VAT1L: variants seen among roughly 807,000 people sequenced by gnomAD.
VAT1L encodes putative NADPH-dependent quinone oxidoreductase VAT1L.
Under a neutral mutation model 44.1 loss-of-function variants are expected in VAT1L, and 34 were observed. That is an observed-to-expected ratio of 0.77 (90% CI 0.59 to 1.03). VAT1L has a LOEUF of 1.03. VAT1L is among the 50% of genes least tolerant of loss of function. VAT1L has a pLI of 0.00. For synonymous variants in VAT1L, 253 were observed against 202.2 expected, an observed-to-expected ratio of 1.25 and a Z score of -2.13; for missense variants, 615 against 538.8, an observed-to-expected ratio of 1.14 and a Z score of -1.40.
intron 7 of VAT1L, among the ~76,000 whole-genome samples, chr16:77,900,837 C>A (rs1044353212): frequency 2.0e-5 from 3 of 152,060 alleles, no homozygotes; most frequent in Admixed American, 2.0e-4. Context: ...GACCACCACT[C>A]CCCCCGCAAC....
intron 7 of VAT1L, among the ~76,000 whole-genome samples, chr16:77,934,347 C>A (rs2017767550): frequency 6.6e-6 from 1 of 152,036 alleles, no homozygotes; most frequent in Admixed American, 6.6e-5. Context: ...TCCCTTGGAC[C>A]TGTCAATATA....
intron 4 of VAT1L, among the ~76,000 whole-genome samples, chr16:77,867,679 T>A (rs1422920271): frequency 6.6e-6 from 1 of 151,842 alleles, no homozygotes; most frequent in Admixed American, 6.6e-5. Context: ...GCCAACATGG[T>A]GAAACCCCGT....
At chr16:77,869,675 T>TA (rs1028800098) in intron 4 of VAT1L, among the ~76,000 whole-genome samples, 1 of 151,714 alleles carries the variant, frequency 6.6e-6, no homozygotes, top group Non-Finnish European at 1.5e-5. Context: ...TCTCAATGAT[T>TA]AAAAAAAACC....
intron 7 of VAT1L, among the ~76,000 whole-genome samples, chr16:77,928,739 G>A (rs1457864158): frequency 2.3e-5 from 3 of 128,850 alleles, no homozygotes; most frequent in Non-Finnish European, 3.2e-5. Flanking sequence ...AATTGATGGG[G>A]GTGTCAGGAG....
At chr16:77,937,325 C>T (rs1050798412) in intron 7 of VAT1L, among the ~76,000 whole-genome samples, 2 of 152,172 alleles carry the variant, frequency 1.3e-5, no homozygotes, top group African/African-American at 4.8e-5. Flanking sequence ...CCTTCAGGAT[C>T]CAGAGGTTAA....
chr16:77,858,467 T>A (rs746336335), intron 3 of VAT1L, among the ~76,000 whole-genome samples: 1 of 152,208 alleles, frequency 6.6e-6, no homozygotes, highest in African/African-American at 2.4e-5. Flanking sequence ...GGAGTAGTGA[T>A]AGCAAGTATG....
chr16:77,827,129 C>G (rs924777496), intron 3 of VAT1L, among the ~76,000 whole-genome samples: 1 of 152,100 alleles, frequency 6.6e-6, no homozygotes, highest in Non-Finnish European at 1.5e-5. Flanking sequence ...ACCTTTCGAC[C>G]ATGAATAAAG....
At chr16:77,913,289 T>C (rs2017517744) in intron 7 of VAT1L, among the ~76,000 whole-genome samples, 1 of 152,198 alleles carries the variant, frequency 6.6e-6, no homozygotes, top group Non-Finnish European at 1.5e-5. Context: ...ATAACACATC[T>C]CTGTAACGTT....
chr16:77,914,915 C>T (rs1329817726), intron 7 of VAT1L, among the ~76,000 whole-genome samples: 2 of 152,138 alleles, frequency 1.3e-5, no homozygotes, highest in East Asian at 1.9e-4. Context: ...CACCTGAGGT[C>T]GGGAGTTCGA....
chr16:77,830,500 C>T (rs977900168), intron 3 of VAT1L, among the ~76,000 whole-genome samples: 11 of 152,132 alleles, frequency 7.2e-5, no homozygotes, highest in Non-Finnish European at 1.3e-4. Flanking sequence ...TGGGAGGAGT[C>T]TTTCCCATGC....
chr16:77,921,786 C>T (rs2006848), intron 7 of VAT1L, among the ~76,000 whole-genome samples: 9,164 of 152,176 alleles, frequency 0.06, 337 homozygotes, highest in East Asian at 0.12. Context: ...CTCTGTTGGC[C>T]GGGCTGGAGT....
At chr16:77,824,494 G>A (rs556690991) in intron 2 of VAT1L, among the ~76,000 whole-genome samples, 11 of 152,186 alleles carry the variant, frequency 7.2e-5, no homozygotes, top group Admixed American at 4.6e-4. Context: ...GGTGGCTCAC[G>A]CCTGTAATCC....
intron 4 of VAT1L, among the ~76,000 whole-genome samples, chr16:77,871,280 G>C (rs2017029568): frequency 6.6e-6 from 1 of 151,952 alleles, no homozygotes; most frequent in Non-Finnish European, 1.5e-5. Flanking sequence ...AATGACAGCA[G>C]GAAGGAGAGG....
intron 7 of VAT1L, among the ~76,000 whole-genome samples, chr16:77,945,449 T>C (rs2142517075): frequency 6.6e-6 from 1 of 151,838 alleles, no homozygotes; most frequent in East Asian, 1.9e-4. Context: ...ATCATGCCCA[T>C]GTAATTTTTA....
intron 1 of VAT1L, among the ~76,000 whole-genome samples, chr16:77,790,920 A>C (rs1300494781): frequency 6.6e-6 from 1 of 152,156 alleles, no homozygotes; most frequent in Non-Finnish European, 1.5e-5. Flanking sequence ...CCAGATGTGA[A>C]AGCCTGTTCT....
At chr16:77,931,327 G>A (rs1324764762) in intron 7 of VAT1L, among the ~76,000 whole-genome samples, 1 of 152,128 alleles carries the variant, frequency 6.6e-6, no homozygotes. Context: ...TTTAAATAAG[G>A]AAACTGAGAC....
At chr16:77,910,755 C>A (rs1360564366) in intron 7 of VAT1L, among the ~76,000 whole-genome samples, 3 of 151,832 alleles carry the variant, frequency 2.0e-5, no homozygotes, top group African/African-American at 4.8e-5. Context: ...TCTGAGAAGC[C>A]CTGCATTAAA....
At chr16:77,941,999 T>A (rs1490130899) in intron 7 of VAT1L, among the ~76,000 whole-genome samples, 3 of 152,214 alleles carry the variant, frequency 2.0e-5, no homozygotes, top group Non-Finnish European at 2.9e-5. Context: ...TACTTTTTAA[T>A]AATAGCCATT....
In VAT1L at chr16:77,841,135, C is replaced by T. The variant is rs1184375763; in HGVS notation, c.579+15674C>T. On this transcript the variant is annotated intron_variant, in intron 3 of 8. Coordinates refer to ENST00000302536, the MANE Select transcript of VAT1L (RefSeq NM_020927.3). ...TTGCTGTGTTGCCTGGACTAGAGTG[C>T]AGTAGTGCAATCGGGGCTCACTGCA... Among the ~76,000 whole-genome samples the T allele has an allele frequency of 4.6e-5, 7 of 152,164 alleles. 1 individual carries two copies. Among genetic ancestry groups the T allele is most frequent in the African/African-American group, 1.7e-4 (7 of 41,422 alleles).
Sources: allele counts gnomAD v4.1 joint callset (sites outside exome capture counted in the v4.1 genomes callset), GRCh38; gene constraint gnomAD v4.1.1; transcripts MANE v1.5; gene names NCBI Gene and HGNC (gene_info 2026-07-23, HGNC 2026-07-21).